Variants in CPNE4 observed in about 807,000 individuals in gnomAD.
The protein encoded by CPNE4 is copine 4.
Under a neutral mutation model 67.9 loss-of-function variants are expected in CPNE4, and 25 were observed. That is an observed-to-expected ratio of 0.37 (90% CI 0.27 to 0.51). CPNE4 has a LOEUF of 0.51. CPNE4 is among the 20% of genes least tolerant of loss of function. The probability of loss-of-function intolerance (pLI) is 0.93; values close to 1 mark genes in which losing one functional copy is unlikely to be tolerated. For missense variants in CPNE4, 464 were observed against 690.8 expected, an observed-to-expected ratio of 0.67 and a Z score of 3.68; for synonymous variants, 242 against 244.9, an observed-to-expected ratio of 0.99 and a Z score of 0.11.
rs2088771473 is a variant in CPNE4 at position 131,906,510 on chromosome 3, T to C, written c.-1-1066A>G. The stretch of plus-strand genomic sequence containing the variant: ...GAGTGAGAACACGCGGTGTTTGGTT[T>C]TTTGTTCTTGCGATAGTTTACTGAG... On this transcript the variant is annotated intron_variant, in intron 1 of 15. Transcript: ENST00000429747. 2.6e-5 allele frequency among the ~76,000 whole-genome samples: 4 copies of C among 151,140 alleles called. No individual in the cohort carries two copies. In the Admixed American group the frequency reaches 2.6e-4, roughly 10 times the overall value.
chr3:131,797,097 G>A (rs2083937710), intron 2 of CPNE4, among the ~76,000 whole-genome samples: 1 of 152,088 alleles, frequency 6.6e-6, no homozygotes, highest in African/African-American at 2.4e-5. Flanking sequence ...ATATTCTTCA[G>A]CTATGAAAGT....
At chr3:131,746,770 C>A (rs533371753) in intron 2 of CPNE4, among the ~76,000 whole-genome samples, 1 of 152,078 alleles carries the variant, frequency 6.6e-6, no homozygotes, top group East Asian at 1.9e-4. Flanking sequence ...TGATTTTATT[C>A]CCTTTGGTTA....
chr3:132,013,812 G>A (rs1279578599), intron 1 of CPNE4, among the ~76,000 whole-genome samples: 2 of 152,162 alleles, frequency 1.3e-5, no homozygotes, highest in Non-Finnish European at 2.9e-5. Context: ...GGGACACAAA[G>A]AGTTTGTATA....
chr3:131,952,371 C>T (rs370308868), intron 1 of CPNE4, among the ~76,000 whole-genome samples: 23,357 of 149,400 alleles, frequency 0.16, 1,994 homozygotes, highest in African/African-American at 0.24. Flanking sequence ...GCCCGGCAGC[C>T]GCCCCGTCTG....
At chr3:131,644,432 C>A (rs1409549422) in intron 7 of CPNE4, among the ~76,000 whole-genome samples, 1 of 152,120 alleles carries the variant, frequency 6.6e-6, no homozygotes, top group Non-Finnish European at 1.5e-5. Flanking sequence ...TAGGTGTGAG[C>A]CACCAGGCAT....
intron 12 of CPNE4, among the ~76,000 whole-genome samples, chr3:131,553,506 T>C (rs1936297505): frequency 6.6e-6 from 1 of 152,094 alleles, no homozygotes. Context: ...GGAGGTGATG[T>C]ATACATATCC....
intron 2 of CPNE4, among the ~76,000 whole-genome samples, chr3:131,823,239 T>A (rs1388311206): frequency 6.6e-6 from 1 of 152,260 alleles, no homozygotes; most frequent in Non-Finnish European, 1.5e-5. Context: ...TTGTGCTAGA[T>A]GCTTCACATA....
intron 7 of CPNE4, among the ~76,000 whole-genome samples, chr3:131,633,436 C>T (rs553179832): frequency 6.6e-6 from 1 of 152,196 alleles, no homozygotes; most frequent in East Asian, 1.9e-4. Context: ...GACTAAAGAG[C>T]CGGTCTCAAA....
At chr3:131,756,646 T>C (rs972030289) in intron 2 of CPNE4, among the ~76,000 whole-genome samples, 6 of 152,222 alleles carry the variant, frequency 3.9e-5, no homozygotes, top group African/African-American at 1.4e-4. Flanking sequence ...CCTAAGGGGC[T>C]CCAGTTGGCA....
chr3:131,745,745 T>C (rs142940860), intron 2 of CPNE4, among the ~76,000 whole-genome samples: 18 of 152,268 alleles, frequency 1.2e-4, no homozygotes, highest in African/African-American at 3.8e-4. Flanking sequence ...TTCTGTTACA[T>C]TGGTCTATGG....
At chr3:131,689,073 T>C (rs957287958) in intron 5 of CPNE4, among the ~76,000 whole-genome samples, 1 of 152,238 alleles carries the variant, frequency 6.6e-6, no homozygotes, top group Non-Finnish European at 1.5e-5. Flanking sequence ...GAATGGCCTC[T>C]GTCTTCAGGT....
At chr3:131,876,268 AAATAAAT>A (rs1263114560) in intron 2 of CPNE4, among the ~76,000 whole-genome samples, 44 of 144,350 alleles carry the variant, frequency 3.0e-4, no homozygotes, top group African/African-American at 1.2e-3. Flanking sequence ...ATAAATAAAT[AAATAAAT>A]AAATAAATAC....
At chr3:131,556,940 C>T (rs533148085) in intron 11 of CPNE4, among the ~76,000 whole-genome samples, 36 of 152,204 alleles carry the variant, frequency 2.4e-4, no homozygotes, top group Non-Finnish European at 3.8e-4. Flanking sequence ...GAAGCTTCAC[C>T]TACTTATTAT....
rs1939164315 is a variant in CPNE4 at position 131,600,862 on chromosome 3, G to GCT, written c.682-13282_682-13281dup. Among the ~76,000 whole-genome samples, 12 of 152,258 alleles carry GCT rather than the reference G, an allele frequency of 7.9e-5. No individual in the cohort carries two copies. In the South Asian group the frequency reaches 2.3e-3, roughly 29 times the overall value. On this transcript the variant is annotated intron_variant, in intron 7 of 15. Transcript: ENST00000429747. ...TACCTCTATGTGCTCCTTATATCTT[G>GCT]CTCTCTATCTGATTCTAGACTCTCT...
intron 7 of CPNE4, 116 bp from the exon 8 acceptor site, chr3:131,587,698 G>A: frequency 1.4e-6 from 1 of 722,724 alleles, no homozygotes; most frequent in Non-Finnish European, 2.3e-6. Flanking sequence ...TGGAACCAAA[G>A]CCTGGGAGTC....
intron 1 of CPNE4, among the ~76,000 whole-genome samples, chr3:131,923,140 T>G (rs956804540): frequency 6.6e-6 from 1 of 152,200 alleles, no homozygotes; most frequent in African/African-American, 2.4e-5. Flanking sequence ...ATGAATTAAC[T>G]TTATTTTTAC....
intron 2 of CPNE4, among the ~76,000 whole-genome samples, chr3:131,834,536 C>A (rs995123815): frequency 1.3e-5 from 2 of 151,752 alleles, no homozygotes. Flanking sequence ...TAAAGAATCA[C>A]TAAGTAAACA....
chr3:132,028,669 A>G (rs576403129), intron 1 of CPNE4, among the ~76,000 whole-genome samples: 1 of 152,202 alleles, frequency 6.6e-6, no homozygotes. Flanking sequence ...AAAAGGAAAA[A>G]TGGCGAAAGT....
At chr3:131,707,778 C>A (rs899753484) in intron 3 of CPNE4, among the ~76,000 whole-genome samples, 1 of 152,120 alleles carries the variant, frequency 6.6e-6, no homozygotes. Context: ...TTCCCTCTTA[C>A]TCAAACCACT....
Sources: gnomAD v4.1 joint callset for allele counts (sites outside exome capture counted in the v4.1 genomes callset) on GRCh38, gnomAD v4.1.1 for gene constraint, MANE v1.5 for transcripts, NCBI Gene and HGNC (gene_info 2026-07-23, HGNC 2026-07-21) for gene names.